The following DNAH10 variants were observed in gnomAD, a reference collection of about 807,000 sequenced individuals.
DNAH10 encodes dynein axonemal heavy chain 10.
In DNAH10, 348 loss-of-function variants were observed where a neutral mutation model predicts 506.6. That is an observed-to-expected ratio of 0.69 (90% CI 0.63 to 0.75). The LOEUF is 0.75. DNAH10 is among the 30% of genes least tolerant of loss of function. The pLI is 0.00. For synonymous variants in DNAH10, 2,059 were observed against 2,198.6 expected (o/e 0.94, Z 1.78); for missense variants, 5,179 against 5,787.1 (o/e 0.89, Z 3.41).
In DNAH10 at chr12:123,855,380, G is replaced by A. The variant is rs935728323; in HGVS notation, c.6439-1676G>A. Among the ~76,000 whole-genome samples the A allele has an allele frequency of 1.4e-4, 22 of 152,156 alleles. No individual in the cohort carries two copies. The Middle Eastern group carries it at 0.014, about 94-fold the overall frequency. On this transcript the variant is annotated intron_variant, in intron 36 of 78. Transcript: ENST00000673944. The stretch of plus-strand genomic sequence containing the variant: ...TCATGCCTGTAATCCTAGCACTTTC[G>A]GAGGCTGAGGTGGGAGGATTGCTTG...
At chr12:123,924,982 T>C in intron 67 of DNAH10, 68 bp from the exon 68 acceptor site, 1 of 1,584,570 alleles carries the variant, frequency 6.3e-7, no homozygotes, top group Non-Finnish European at 8.6e-7. Context: ...TTTGCCACCT[T>C]CACACATAAA....
rs1017526070 is a variant in DNAH10 at position 123,800,246 on chromosome 12, T to A, written c.2320T>A (p.Leu774Ile). 6.2e-7 allele frequency: 1 copy of A among 1,613,914 alleles called. No homozygotes were observed. The highest frequency in any genetic ancestry group is 8.5e-7 in the Non-Finnish European group (1 of 1,179,968). ...SSIATEEPST[L>I]ERGAVFAINF... is the part of the protein sequence containing the mutation. ...CATCGCCACAGAGGAGCCTTCGACT[T>A]TAGAAAGGGGAGCTGTTTTTGCAAT... Residue 774 changes from leucine to isoleucine, a missense_variant, in exon 15 of 79, where the codon TTA (leucine) becomes ATA (isoleucine). By Grantham distance (5) the Leu-to-Ile change is conservative. Coordinates refer to ENST00000673944, the MANE Select transcript of DNAH10 (RefSeq NM_001372106.1).
At chr12:123,830,898 G>A (rs1402204238) in intron 26 of DNAH10, among the ~76,000 whole-genome samples, 199 bp downstream of exon 26, 2 of 152,106 alleles carry the variant, frequency 1.3e-5, no homozygotes, top group Admixed American at 6.5e-5. Flanking sequence ...AACTGTGATC[G>A]CACCATGGCA....
chr12:123,803,886 A>G lies in DNAH10; in HGVS notation c.2779+61A>G, dbSNP rs1958562143. On this transcript the variant is annotated intron_variant, in intron 17 of 78. Coordinates refer to ENST00000673944, the MANE Select transcript of DNAH10 (RefSeq NM_001372106.1). ...TAATGAGAACATATATTGTATATAC[A>G]TACATGTGTATATATGTACCTATAA... The G allele has an allele frequency of 2.0e-6, 3 of 1,482,938 alleles. No homozygotes were observed. The South Asian group carries it at 3.8e-5, about 19-fold the overall frequency. 91.9% of individuals were successfully genotyped at this position (1,482,938 alleles called of 1,614,324 possible). A position where few individuals can be genotyped will look rare whatever the true frequency, so the allele number is the denominator to read the frequency against.
At chr12:123,924,730 T>TCATCCATC (rs905977799) in intron 67 of DNAH10, among the ~76,000 whole-genome samples, 1 of 146,146 alleles carries the variant, frequency 6.8e-6, no homozygotes, top group Non-Finnish European at 1.5e-5. Context: ...ACCCATCTAC[T>TCATCCATC]CATCCATCCA....
chr12:123,852,576 C>CT (rs10713531), intron 35 of DNAH10, among the ~76,000 whole-genome samples: 2,738 of 142,004 alleles, frequency 0.019, 43 homozygotes, highest in African/African-American at 0.048. Context: ...CATTTACAGC[C>CT]TTTTTTTTTT....
chr12:123,909,069 A>G lies in DNAH10; in HGVS notation c.9816-192A>G, dbSNP rs1471145390. Among the ~76,000 whole-genome samples the G allele has an allele frequency of 6.6e-6, 1 of 151,896 alleles. No individual in the cohort carries two copies. Among genetic ancestry groups the G allele is most frequent in the Non-Finnish European group, 1.5e-5 (1 of 67,960 alleles). On this transcript the variant is annotated intron_variant, in intron 57 of 78. Transcript: ENST00000673944. This position sits in a 1 kb window ranked among gnomAD's most constrained non-coding sequence, Gnocchi z 5.4. ...GCCTGGTCTGGAACCTGAGAGGGGG[A>G]CCCGGCCCTGCCCTTAGGGACGCTC...
intron 28 of DNAH10, among the ~76,000 whole-genome samples, chr12:123,838,241 A>G (rs1203466228): frequency 6.6e-6 from 1 of 152,192 alleles, no homozygotes; most frequent in Non-Finnish European, 1.5e-5. Context: ...AAAAACCAGA[A>G]ACCAGTTAGT....
At chr12:123,910,389 C>A in intron 58 of DNAH10, 147 bp from the exon 59 acceptor site, 1 of 1,049,934 alleles carries the variant, frequency 9.5e-7, no homozygotes, top group Non-Finnish European at 1.4e-6. Flanking sequence ...CTTGGTTTGA[C>A]ACCACGCTGT....
At chr12:123,905,804 A>C (rs1035216743) in intron 57 of DNAH10, among the ~76,000 whole-genome samples, 1 of 152,152 alleles carries the variant, frequency 6.6e-6, no homozygotes, top group African/African-American at 2.4e-5. Context: ...GGTGAGTTGC[A>C]AATCTTTTCC....
rs531444483 is a variant in DNAH10 at position 123,903,714 on chromosome 12, G to A, written c.9815+601G>A. The stretch of plus-strand genomic sequence containing the variant: ...ACAAGCTTTCTCCTCGCATGGCTTG[G>A]CCTCCCCAGGGCACTGTTCCTGGGC... On this transcript the variant is annotated intron_variant, in intron 57 of 78. Coordinates refer to ENST00000673944, the MANE Select transcript of DNAH10 (RefSeq NM_001372106.1). The surrounding 1 kb of genome is among the most constrained non-coding windows in gnomAD (Gnocchi z 4.6). 2.6e-5 allele frequency among the ~76,000 whole-genome samples: 4 copies of A among 152,312 alleles called. No homozygotes were observed. The highest frequency in any genetic ancestry group is 7.2e-5 in the African/African-American group (3 of 41,568).
At position 123,826,827 on chromosome 12, in the gene DNAH10, A is replaced by G. The variant is rs1360035142; in HGVS notation, c.4320A>G (p.Glu1440=). The change falls in exon 25 of 79, where the codon GAA becomes GAG. Residue 1440 remains glutamate, a synonymous_variant. Transcript: ENST00000673944. The part of the protein sequence containing the change: ...VRGLSVTYYL[E]AKMKAFKDSI... ...GCTTATCAGTGACCTACTACTTGGA[A>G]GCAAAAATGAAGGCATTCAAAGACT... The G allele has an allele frequency of 6.2e-7, 1 of 1,613,906 alleles. No individual in the cohort carries two copies. The highest frequency in any genetic ancestry group is 1.3e-5 in the African/African-American group (1 of 74,944).
chr12:123,831,761 CCGGGT>C, intron 26 of DNAH10, among the ~76,000 whole-genome samples: 1 of 110,018 alleles, frequency 9.1e-6, no homozygotes, highest in Non-Finnish European at 2.1e-5. Context: ...GGGTGTGGTG[CCGGGT>C]GTGGTGGCGG....
At chr12:123,822,593 C>G (rs1959531046) in intron 24 of DNAH10, among the ~76,000 whole-genome samples, 1 of 152,094 alleles carries the variant, frequency 6.6e-6, no homozygotes, top group Non-Finnish European at 1.5e-5. Context: ...ATATCTATTT[C>G]TAATCTATAT....
At chr12:123,767,786 TTCAC>T (rs1193530153) in intron 2 of DNAH10, 97 bp downstream of exon 2, 6 of 1,006,314 alleles carry the variant, frequency 6.0e-6, no homozygotes, top group Non-Finnish European at 7.6e-6. Flanking sequence ...CAGTTGTACT[TTCAC>T]TGGGTATGAA....
At chr12:123,904,556 G>A (rs759599631) in intron 57 of DNAH10, among the ~76,000 whole-genome samples, 8 of 152,154 alleles carry the variant, frequency 5.3e-5, no homozygotes, top group Non-Finnish European at 1.0e-4. Context: ...AATAGAGGGC[G>A]TGGCATGTGT....
chr12:123,871,495 GA>G lies in DNAH10; in HGVS notation c.7680del (p.Glu2560AspfsTer31). 6.3e-7 allele frequency: 1 copy of G among 1,575,200 alleles called. No individual in the cohort carries two copies. The highest frequency in any genetic ancestry group is 8.6e-7 in the Non-Finnish European group (1 of 1,158,826). On this transcript the variant is annotated frameshift_variant, in exon 45 of 79. Transcript: ENST00000673944. LOFTEE classifies it high-confidence loss of function. ...VDTTRTTWIL[E>X]QMVKIKQPVI... ...TACCACTCGGACTACCTGGATATTG[GA>G]ACAAATGGTTAAAATTAAGCAACCT...
At chr12:123,915,509 A>T (rs886745357) in intron 62 of DNAH10, among the ~76,000 whole-genome samples, 1 of 147,742 alleles carries the variant, frequency 6.8e-6, no homozygotes, top group Non-Finnish European at 1.5e-5. Flanking sequence ...TCCTTTAGCC[A>T]TCACCCCTCC....
At chr12:123,874,578 C>CCCATCCAT (rs1402214075) in intron 46 of DNAH10, among the ~76,000 whole-genome samples, 38 of 142,638 alleles carry the variant, frequency 2.7e-4, no homozygotes, top group Non-Finnish European at 5.8e-4. Context: ...TACCCATCCA[C>CCCATCCAT]CCATCCATCC....
Sources: allele counts gnomAD v4.1 joint callset (sites outside exome capture counted in the v4.1 genomes callset), GRCh38; gene constraint gnomAD v4.1.1; non-coding constraint Gnocchi (gnomAD v3.1); transcripts MANE v1.5; gene names NCBI Gene and HGNC (gene_info 2026-07-23, HGNC 2026-07-21).